The following CADM3 variants were observed in gnomAD, a reference collection of about 807,000 sequenced individuals.
CADM3 encodes the protein TSLC1-like 1.
CADM3 carries 11 observed loss-of-function variants against 44.9 expected under a neutral mutation model. That is an observed-to-expected ratio of 0.25 (90% CI 0.15 to 0.41). The LOEUF (loss-of-function observed/expected upper bound fraction) is 0.41, where lower values mean the gene tolerates loss of function less well. Ranked by LOEUF, CADM3 falls within the 10% of genes least tolerant of loss-of-function variation. The pLI is 1.00. For synonymous variants in CADM3, 207 were observed against 205.2 expected (o/e 1.01, Z -0.08); for missense variants, 426 against 512.0 (o/e 0.83, Z 1.62).
intron 5 of CADM3, chr1:159,196,162 A>C (rs903274258): frequency 7.2e-6 from 4 of 551,994 alleles, no homozygotes; most frequent in Non-Finnish European, 1.3e-5. Flanking sequence ...GAATCCTATC[A>C]CACAAGGTTG....
chr1:159,184,383 G>C (rs567599521), intron 1 of CADM3, among the ~76,000 whole-genome samples: 2 of 152,350 alleles, frequency 1.3e-5, no homozygotes, highest in Admixed American at 1.3e-4. Context: ...GGAATAACAA[G>C]TAGGCTGGGA....
At chr1:159,190,354 A>G (rs533086707) in intron 1 of CADM3, among the ~76,000 whole-genome samples, 3 of 152,336 alleles carry the variant, frequency 2.0e-5, no homozygotes, top group African/African-American at 7.2e-5. Context: ...TTAATGCTCA[A>G]TTTAGATGAT....
At chr1:159,186,832 C>T (rs1242975104) in intron 1 of CADM3, among the ~76,000 whole-genome samples, 2 of 152,174 alleles carry the variant, frequency 1.3e-5, no homozygotes, top group African/African-American at 4.8e-5. Flanking sequence ...AAAAAAGCCA[C>T]CTCTTACACA....
chr1:159,197,032 C>T lies in CADM3; in HGVS notation c.924C>T (p.Tyr308=). 2 of 1,614,192 alleles carry T rather than the reference C, an allele frequency of 1.2e-6. No individual in the cohort carries two copies. The highest frequency in any genetic ancestry group is 1.7e-6 in the Non-Finnish European group (2 of 1,180,022). Residue 308 remains tyrosine (Y), a synonymous_variant, in exon 7 of 9, where the codon TAC becomes TAT. Coordinates refer to ENST00000368125, the MANE Select transcript of CADM3 (RefSeq NM_001127173.3). ...CAGCCACCAGCAACATGGGCAGCTACAAGGCCTACTACACCCTCAATGTTA... is the reference window on the plus strand; with the variant it reads ...CAGCCACCAGCAACATGGGCAGCTATAAGGCCTACTACACCCTCAATGTTA... The part of the protein sequence containing the change: ...GCTATSNMGS[Y]KAYYTLNVND...
At position 159,194,053 on chromosome 1, in the gene CADM3, C is replaced by T; in HGVS notation, c.691+13C>T. The T allele has an allele frequency of 6.2e-7, 1 of 1,607,684 alleles. No homozygotes were observed. The highest frequency in any genetic ancestry group is 8.5e-7 in the Non-Finnish European group (1 of 1,175,492). ...ATTGAAGTTTTATGTATGTCATGGG[C>T]TTGGGGATGAAGAAGGATGAGGTAT... On this transcript the variant is annotated intron_variant, in intron 5 of 8. Coordinates refer to ENST00000368125, the MANE Select transcript of CADM3 (RefSeq NM_001127173.3).
rs1571034858 is a variant in CADM3 at position 159,202,943 on chromosome 1, C to T, written c.*2021C>T. 2 of 145,724 alleles carry T rather than the reference C, an allele frequency of 1.4e-5. No individual in the cohort carries two copies. Among genetic ancestry groups the T allele is most frequent in the East Asian group, 4.1e-4 (2 of 4,880 alleles). 9.0% of individuals were successfully genotyped at this position (145,724 alleles called of 1,614,324 possible). A position where few individuals can be genotyped will look rare whatever the true frequency, so the allele number is the denominator to read the frequency against. ...ATGACTTTTCCTCTTCAAGCTGAAC[C>T]ACTCTGTCCATATTACACAGAAGCC... On this transcript the variant is annotated 3_prime_UTR_variant, in exon 9 of 9. Transcript: ENST00000368125.
intron 1 of CADM3, among the ~76,000 whole-genome samples, chr1:159,188,791 A>G (rs1649528989): frequency 6.6e-6 from 1 of 152,226 alleles, no homozygotes; most frequent in Admixed American, 6.5e-5. Flanking sequence ...GAATAGGCAG[A>G]CAGGTAGGGG....
chr1:159,200,681 AG>A, intron 8 of CADM3, 122 bp from the exon 9 acceptor site: 3 of 647,996 alleles, frequency 4.6e-6, no homozygotes, highest in Non-Finnish European at 8.0e-6. Flanking sequence ...GGAGTAGAAG[AG>A]AGCTATTGGC....
intron 1 of CADM3, among the ~76,000 whole-genome samples, chr1:159,182,654 A>T (rs1464250878): frequency 6.6e-6 from 1 of 152,204 alleles, no homozygotes; most frequent in Non-Finnish European, 1.5e-5. Flanking sequence ...AAAAGGAATT[A>T]CTGAACTTGG....
chr1:159,174,927 C>T (rs559213971), intron 1 of CADM3, among the ~76,000 whole-genome samples: 3 of 152,284 alleles, frequency 2.0e-5, no homozygotes, highest in South Asian at 2.1e-4. Flanking sequence ...GATAGATAGA[C>T]GGATAGCCTC....
At chr1:159,183,674 G>GA (rs1177212706) in intron 1 of CADM3, among the ~76,000 whole-genome samples, 9 of 152,074 alleles carry the variant, frequency 5.9e-5, no homozygotes, top group Non-Finnish European at 1.2e-4. Flanking sequence ...AATGAAAAAG[G>GA]AAAAAATAGT....
At position 159,200,850 on chromosome 1, in the gene CADM3, C is replaced by T. The variant is rs143855176; in HGVS notation, c.1125C>T (p.Asp375=). 103 of 1,611,160 alleles carry T rather than the reference C, an allele frequency of 6.4e-5. No individual in the cohort carries two copies. The highest frequency in any genetic ancestry group is 6.0e-5 in the Non-Finnish European group (71 of 1,178,556). ...CAAAAGGCTCCGACGATGCTCCAGACGCGGACACGGCCATCATCAATGCAG... is the reference window on the plus strand; with the variant it reads ...CAAAAGGCTCCGACGATGCTCCAGATGCGGACACGGCCATCATCAATGCAG... ...HEAKGSDDAP[D]ADTAIINAEG... Residue 375 remains aspartate, a synonymous_variant, in exon 9 of 9, where the codon GAC becomes GAT. Coordinates refer to ENST00000368125, the MANE Select transcript of CADM3 (RefSeq NM_001127173.3).
chr1:159,182,608 G>T (rs868117169), intron 1 of CADM3, among the ~76,000 whole-genome samples: 3 of 152,158 alleles, frequency 2.0e-5, no homozygotes, highest in Non-Finnish European at 2.9e-5. Flanking sequence ...ATAGAGGGGA[G>T]AATATTTTGG....
At position 159,201,248 on chromosome 1, in the gene CADM3, AAAAC is replaced by A. The variant is rs1217224696; in HGVS notation, c.*334_*337del. 1 of 163,626 alleles carries A rather than the reference AAAAC, an allele frequency of 6.1e-6. No homozygotes were observed. The highest frequency in any genetic ancestry group is 1.3e-5 in the Non-Finnish European group (1 of 75,450). 10.1% of individuals were successfully genotyped at this position (163,626 alleles called of 1,614,324 possible). A position where few individuals can be genotyped will look rare whatever the true frequency, so the allele number is the denominator to read the frequency against. ...AGGAGCCCTGGGGTGAGAAAAGCAAAAAACAAACAAAAAACAAAACCCTGGAGTG... is the reference window on the plus strand; with the variant it reads ...AGGAGCCCTGGGGTGAGAAAAGCAAAAAACAAAAAACAAAACCCTGGAGTG... On this transcript the variant is annotated 3_prime_UTR_variant, in exon 9 of 9. Transcript: ENST00000368125.
rs1258348339 is a variant in CADM3 at position 159,203,009 on chromosome 1, CTG to C, written c.*2095_*2096del. The C allele has an allele frequency of 4.1e-5, 3 of 72,548 alleles. No homozygotes were observed. Among genetic ancestry groups the C allele is most frequent in the Non-Finnish European group, 7.6e-5 (3 of 39,596 alleles). The allele number at this position is 72,548 out of a possible 1,614,324, so 4.5% of individuals were successfully genotyped here. The stretch of plus-strand genomic sequence containing the variant: ...GGTGGGAGGGAGAGGGGCTGTTGTG[CTG>C]TGTGTGTCTGTCCAGGGGTGGGGGG... On this transcript the variant is annotated 3_prime_UTR_variant, in exon 9 of 9. Transcript: ENST00000368125.
At chr1:159,183,712 A>G (rs1283730742) in intron 1 of CADM3, among the ~76,000 whole-genome samples, 1 of 152,200 alleles carries the variant, frequency 6.6e-6, no homozygotes, top group African/African-American at 2.4e-5. Flanking sequence ...GTACCAGATG[A>G]CAGAATAACT....
chr1:159,201,060 A>G lies in CADM3; in HGVS notation c.*138A>G, dbSNP rs1218102061. On this transcript the variant is annotated 3_prime_UTR_variant, in exon 9 of 9. Coordinates refer to ENST00000368125, the MANE Select transcript of CADM3 (RefSeq NM_001127173.3). ...CAGCCCACCCACCCCCCTGTACAGAATGTCTGCTTTGGGTGCGGTTTTGTA... is the reference window on the plus strand; with the variant it reads ...CAGCCCACCCACCCCCCTGTACAGAGTGTCTGCTTTGGGTGCGGTTTTGTA... 9 of 218,754 alleles carry G rather than the reference A, an allele frequency of 4.1e-5. No individual in the cohort carries two copies. Among genetic ancestry groups the G allele is most frequent in the Non-Finnish European group, 6.3e-5 (7 of 110,328 alleles). The allele number at this position is 218,754 out of a possible 1,614,324, so 13.6% of individuals were successfully genotyped here.
rs115508316 is a variant in CADM3 at position 159,185,270 on chromosome 1, C to T, written c.89-6666C>T. Among the ~76,000 whole-genome samples, 844 of 152,266 alleles carry T rather than the reference C, an allele frequency of 5.5e-3. 13 individuals carry two copies. Among genetic ancestry groups the T allele is most frequent in the African/African-American group, 0.019 (810 of 41,542 alleles). ...CACAGGACCGTCAACACCACAGGTGCGCATTTCCAATTTGCTATACTGTCG... is the reference window on the plus strand; with the variant it reads ...CACAGGACCGTCAACACCACAGGTGTGCATTTCCAATTTGCTATACTGTCG... On this transcript the variant is annotated intron_variant, in intron 1 of 8. Transcript: ENST00000368125.
At position 159,197,244 on chromosome 1, in the gene CADM3, G is replaced by A. The variant is rs191204030; in HGVS notation, c.952+184G>A. The A allele has an allele frequency of 3.4e-4, 196 of 571,210 alleles. 2 individuals are homozygous for A. The East Asian group carries it at 5.4e-3, about 16-fold the overall frequency. 35.4% of individuals were successfully genotyped at this position (571,210 alleles called of 1,614,324 possible). A position where few individuals can be genotyped will look rare whatever the true frequency, so the allele number is the denominator to read the frequency against. ...GTCCACTCTAGAATGTGTAATGGCCGCTTAGTGAAAAAACATTAGAAGGGT... is the reference window on the plus strand; with the variant it reads ...GTCCACTCTAGAATGTGTAATGGCCACTTAGTGAAAAAACATTAGAAGGGT... On this transcript the variant is annotated intron_variant, in intron 7 of 8. Transcript: ENST00000368125.
Sources: gnomAD v4.1 joint callset for allele counts (sites outside exome capture counted in the v4.1 genomes callset) on GRCh38, gnomAD v4.1.1 for gene constraint, MANE v1.5 for transcripts, NCBI Gene and HGNC (gene_info 2026-07-23, HGNC 2026-07-21) for gene names.